The following ADCY7 variants were observed in gnomAD, a reference collection of about 807,000 sequenced individuals.
ADCY7 encodes adenylate cyclase 7, also known as adenylate cyclase type 7.
A neutral mutation model predicts 120.6 loss-of-function variants in ADCY7; 72 were observed. The observed-to-expected ratio is 0.60, with a 90% CI of 0.49 to 0.73. The LOEUF is 0.73. Among genes scored for constraint, ADCY7 ranks in the 30% least tolerant of loss-of-function variants. The pLI is 0.00. For synonymous variants in ADCY7, 661 were observed against 628.0 expected, an observed-to-expected ratio of 1.05 and a Z score of -0.78; for missense variants, 1,227 against 1,486.0, an observed-to-expected ratio of 0.83 and a Z score of 2.87.
intron 15 of ADCY7, among the ~76,000 whole-genome samples, 163 bp downstream of exon 15, chr16:50,307,310 A>G (rs776533526): frequency 2.0e-5 from 3 of 152,068 alleles, no homozygotes; most frequent in Non-Finnish European, 2.9e-5. Context: ...AGTTACCAAC[A>G]CTTCTTTTTA....
At chr16:50,311,825 C>T in intron 20 of ADCY7, 39 bp downstream of exon 20, 1 of 1,385,290 alleles carries the variant, frequency 7.2e-7, no homozygotes, top group Non-Finnish European at 1.0e-6. Flanking sequence ...CAAGCTCTGC[C>T]CACTTTTCCT....
chr16:50,293,367 T>C lies in ADCY7; in HGVS notation c.701T>C (p.Leu234Pro). Residue 234 changes from leucine (L) to proline (P), a missense_variant, in exon 6 of 26, where the codon CTG becomes CCG. By Grantham distance (98) the Leu-to-Pro change is moderately conservative. Coordinates refer to ENST00000673801, the MANE Select transcript of ADCY7 (RefSeq NM_001114.5). The stretch of plus-strand genomic sequence containing the variant: ...ACCCACACCCAGGAGAACCTGCTGC[T>C]GTCAGTGCTTCCGGCCCACATCTCC... ...IEKRQQENLL[L>P]SVLPAHISMG... is the part of the protein sequence containing the mutation. 6.2e-7 allele frequency: 1 copy of C among 1,613,306 alleles called. No individual in the cohort carries two copies. Among genetic ancestry groups the C allele is most frequent in the Non-Finnish European group, 8.5e-7 (1 of 1,179,506 alleles).
chr16:50,260,839 G>C (rs1290256047), intron 1 of ADCY7, among the ~76,000 whole-genome samples: 3 of 152,216 alleles, frequency 2.0e-5, no homozygotes, highest in Non-Finnish European at 4.4e-5. Context: ...TAGAGGGAGA[G>C]ATCCAAAGGA....
intron 1 of ADCY7, among the ~76,000 whole-genome samples, chr16:50,280,024 G>C (rs1233382556): frequency 6.6e-6 from 1 of 152,110 alleles, no homozygotes. Context: ...AATGGTACTA[G>C]CTCTTCTTCG....
intron 1 of ADCY7, among the ~76,000 whole-genome samples, chr16:50,276,724 G>C (rs558659999): frequency 6.6e-6 from 1 of 152,152 alleles, no homozygotes; most frequent in South Asian, 2.1e-4. Context: ...TCCCAAGTTT[G>C]CTGGCTCTAC....
At chr16:50,313,742 C>CA in intron 22 of ADCY7, 1 of 560,138 alleles carries the variant, frequency 1.8e-6, no homozygotes, top group South Asian at 2.5e-5. Flanking sequence ...AAGAGGGAGA[C>CA]AGTGTGGGGA....
chr16:50,266,416 AGCAGCACTGTG>A (rs1276361263), upstream of ADCY7: 1 of 153,304 alleles, frequency 6.5e-6, no homozygotes, highest in African/African-American at 2.4e-5. Context: ...GGCTGCGGAG[AGCAGCACTGTG>A]GCTGGGGGAG....
chr16:50,302,484 A>G (rs1207094962), intron 10 of ADCY7, among the ~76,000 whole-genome samples: 6 of 152,166 alleles, frequency 3.9e-5, no homozygotes, highest in Admixed American at 3.9e-4. Context: ...AGATAACTGT[A>G]AATCATGTTT....
chr16:50,270,247 A>G (rs1369099972), intron 1 of ADCY7, among the ~76,000 whole-genome samples: 3 of 152,224 alleles, frequency 2.0e-5, no homozygotes, highest in Non-Finnish European at 4.4e-5. Context: ...AGATAGACAC[A>G]TGTAGCCAAG....
At chr16:50,270,640 C>A (rs1388897523) in intron 1 of ADCY7, among the ~76,000 whole-genome samples, 1 of 152,182 alleles carries the variant, frequency 6.6e-6, no homozygotes, top group African/African-American at 2.4e-5. Context: ...GGAGATTGGA[C>A]CTCCCTGGGG....
chr16:50,314,863 C>T, intron 24 of ADCY7, 151 bp from the exon 25 acceptor site: 2 of 1,052,128 alleles, frequency 1.9e-6, no homozygotes, highest in South Asian at 1.6e-5. Context: ...AGCCCGACTG[C>T]AACGCAGTGA....
At position 50,315,550 on chromosome 16, in the gene ADCY7, C is replaced by T; in HGVS notation, c.*45C>T. 1 of 1,591,562 alleles carries T rather than the reference C, an allele frequency of 6.3e-7. No individual in the cohort carries two copies. On this transcript the variant is annotated 3_prime_UTR_variant, in exon 26 of 26. Coordinates refer to ENST00000673801, the MANE Select transcript of ADCY7 (RefSeq NM_001114.5). ...AAAAGGCCGGGAAGCCAGTCTCCTT[C>T]CCTGAAGCAAGCCCAGGAGAAGACT...
chr16:50,257,263 T>A (rs1171311294), intron 1 of ADCY7, among the ~76,000 whole-genome samples: 2 of 146,952 alleles, frequency 1.4e-5, no homozygotes, highest in Non-Finnish European at 3.0e-5. Context: ...CCAATTGAAC[T>A]CAGAAGCAGC....
intron 19 of ADCY7, 149 bp downstream of exon 19, chr16:50,311,029 G>C: frequency 1.2e-6 from 1 of 828,230 alleles, no homozygotes; most frequent in Non-Finnish European, 1.8e-6. Flanking sequence ...CAGAGCCGAG[G>C]AATTCACTGG....
chr16:50,269,350 A>G (rs1208755940), intron 1 of ADCY7, among the ~76,000 whole-genome samples: 1 of 152,194 alleles, frequency 6.6e-6, no homozygotes, highest in Non-Finnish European at 1.5e-5. Context: ...AGATGGGGCA[A>G]AGCTGAGAAC....
chr16:50,279,807 G>A (rs1250769499), intron 1 of ADCY7: 3 of 152,210 alleles, frequency 2.0e-5, no homozygotes, highest in Non-Finnish European at 4.4e-5. Context: ...TGGAGCCTTG[G>A]GGGTGCATTT....
intron 5 of ADCY7, 116 bp downstream of exon 5, chr16:50,292,941 G>A: frequency 7.4e-7 from 1 of 1,352,894 alleles, no homozygotes; most frequent in Non-Finnish European, 1.0e-6. Flanking sequence ...CACCCATGCA[G>A]GTCTCACCTC....
intron 1 of ADCY7, among the ~76,000 whole-genome samples, chr16:50,257,381 A>G (rs1002594186): frequency 6.6e-6 from 1 of 152,292 alleles, no homozygotes; most frequent in South Asian, 2.1e-4. Context: ...CAGTGGAGGA[A>G]TAAGTTTTTT....
chr16:50,289,156 C>G (rs1438313466), intron 2 of ADCY7: 1 of 315,020 alleles, frequency 3.2e-6, no homozygotes, highest in Non-Finnish European at 6.3e-6. Context: ...CTACATTCCA[C>G]ACTGAGCCTG....
Sources: gnomAD v4.1 joint callset for allele counts (sites outside exome capture counted in the v4.1 genomes callset) on GRCh38, gnomAD v4.1.1 for gene constraint, MANE v1.5 for transcripts, NCBI Gene and HGNC (gene_info 2026-07-23, HGNC 2026-07-21) for gene names.